The following SVIL variants were observed in gnomAD, a reference collection of about 807,000 sequenced individuals.
The protein encoded by SVIL is archvillin.
Under a neutral mutation model 240.4 loss-of-function variants are expected in SVIL, and 101 were observed. The ratio of observed to expected loss-of-function variants is 0.42; its 90% CI spans 0.36 to 0.50. The LOEUF (loss-of-function observed/expected upper bound fraction) is 0.50. Among genes scored for constraint, SVIL ranks in the 20% least tolerant of loss-of-function variants. The probability of loss-of-function intolerance (pLI) is 0.01; values close to 1 mark genes in which losing one functional copy is unlikely to be tolerated. For missense variants in SVIL, 2,512 were observed against 2,818.7 expected, an observed-to-expected ratio of 0.89 and a Z score of 2.46; for synonymous variants, 999 against 1,100.0, an observed-to-expected ratio of 0.91 and a Z score of 1.82.
At chr10:29,600,511 C>T (rs763390089) in intron 1 of SVIL, among the ~76,000 whole-genome samples, 35 of 152,110 alleles carry the variant, frequency 2.3e-4, no homozygotes, top group Middle Eastern at 3.2e-3. Context: ...ACCTCCACAT[C>T]AGATGGAGAA....
intron 16 of SVIL, among the ~76,000 whole-genome samples, chr10:29,518,760 G>A (rs1950378024): frequency 6.6e-6 from 1 of 152,174 alleles, no homozygotes; most frequent in Non-Finnish European, 1.5e-5. Flanking sequence ...GGAGGGTGAG[G>A]CAGGAGAATC....
At chr10:29,692,684 G>A (rs751678180) in intron 1 of SVIL, among the ~76,000 whole-genome samples, 5 of 151,260 alleles carry the variant, frequency 3.3e-5, no homozygotes, top group Non-Finnish European at 7.4e-5. Flanking sequence ...ATAAGGGCAA[G>A]GTCTCCCTAT....
intron 6 of SVIL, among the ~76,000 whole-genome samples, chr10:29,548,961 G>A (rs566908600): frequency 1.4e-4 from 22 of 152,218 alleles, no homozygotes; most frequent in African/African-American, 5.3e-4. Flanking sequence ...CATGGGCAAG[G>A]ACTTCATGTC....
chr10:29,484,377 T>C lies in SVIL; in HGVS notation c.4955+279A>G, dbSNP rs1218679219. Among the ~76,000 whole-genome samples the C allele has an allele frequency of 6.6e-6, 1 of 152,208 alleles. No individual in the cohort carries two copies. The highest frequency in any genetic ancestry group is 2.4e-5 in the African/African-American group (1 of 41,448). On this transcript the variant is annotated intron_variant, in intron 27 of 37. Transcript: ENST00000355867. The surrounding 1 kb of genome is among the most constrained non-coding windows in gnomAD (Gnocchi z 4.7). ...TGCTGTTCATCTGCCACAGCAGCACTTGTAATGCCGCAGGGAGGAACTTGC... is the reference window on the plus strand; with the variant it reads ...TGCTGTTCATCTGCCACAGCAGCACCTGTAATGCCGCAGGGAGGAACTTGC...
chr10:29,577,558 C>T (rs574833431), intron 1 of SVIL, among the ~76,000 whole-genome samples: 1 of 152,132 alleles, frequency 6.6e-6, no homozygotes, highest in Admixed American at 6.5e-5. Flanking sequence ...TGTATATATA[C>T]CACATTTTCT....
chr10:29,479,965 T>C (rs1946646515), intron 29 of SVIL, among the ~76,000 whole-genome samples: 1 of 152,140 alleles, frequency 6.6e-6, no homozygotes, highest in Non-Finnish European at 1.5e-5. Flanking sequence ...GTGAGTGTTT[T>C]GCAATGGGGT....
chr10:29,485,784 T>G (rs1947336223), intron 26 of SVIL, among the ~76,000 whole-genome samples: 1 of 152,242 alleles, frequency 6.6e-6, no homozygotes, highest in Non-Finnish European at 1.5e-5. Flanking sequence ...AAATATTTTA[T>G]TATAATGTTT....
At chr10:29,688,237 GGTGAGGCA>G (rs901941517) in intron 1 of SVIL, among the ~76,000 whole-genome samples, 44 of 152,332 alleles carry the variant, frequency 2.9e-4, no homozygotes, top group African/African-American at 1.0e-3. Context: ...GCTTCGAGGC[GGTGAGGCA>G]GTGAGCCTGA....
intron 6 of SVIL, 38 bp from the exon 7 acceptor site, chr10:29,536,107 T>TAAA: frequency 6.3e-7 from 1 of 1,587,694 alleles, no homozygotes; most frequent in Non-Finnish European, 8.7e-7. Context: ...TAATCTCTAT[T>TAAA]AAAACGTCAA....
chr10:29,694,724 T>A lies in SVIL; in HGVS notation c.-399-8073A>T, dbSNP rs148293938. Among the ~76,000 whole-genome samples, 24 of 152,306 alleles carry A rather than the reference T, an allele frequency of 1.6e-4. No individual in the cohort carries two copies. In the East Asian group the frequency reaches 4.6e-3, roughly 29 times the overall value. ...ATCCTTCCACCTCGGCCTCCCAAAG[T>A]GCGTGAGCCACTGGGCCTGGCCCCA... On this transcript the variant is annotated intron_variant, in intron 1 of 35. Transcript: ENST00000375400.
In SVIL at chr10:29,735,700, G is replaced by C. The variant is rs981679469; in HGVS notation, c.-400+51C>G. 10 of 151,770 alleles carry C rather than the reference G, an allele frequency of 6.6e-5. No homozygotes were observed. Among genetic ancestry groups the C allele is most frequent in the African/African-American group, 2.2e-4 (9 of 41,304 alleles). The allele number at this position is 151,770 out of a possible 1,614,324, so 9.4% of individuals were successfully genotyped here. ...GCAGCGGCGCGTCCTGGCGTCTGCC[G>C]GCCCCGGCTCCGCGCGCCCCTCGGC... On this transcript the variant is annotated intron_variant, in intron 1 of 35. Coordinates refer to the SVIL transcript ENST00000375400. This position sits in a 1 kb window ranked among gnomAD's most constrained non-coding sequence, Gnocchi z 4.1.
intron 2 of SVIL, among the ~76,000 whole-genome samples, chr10:29,566,134 A>C (rs553208864): frequency 3.3e-5 from 5 of 151,532 alleles, no homozygotes; most frequent in Non-Finnish European, 7.4e-5. Flanking sequence ...TCCCTTCCTT[A>C]TCACCCTCCC....
chr10:29,555,100 A>G lies in SVIL; in HGVS notation c.-42T>C, dbSNP rs745358814. The G allele has an allele frequency of 6.8e-6, 11 of 1,607,884 alleles. No homozygotes were observed. Among genetic ancestry groups the G allele is most frequent in the Non-Finnish European group, 8.5e-6 (10 of 1,178,450 alleles). On this transcript the variant is annotated 5_prime_UTR_variant, in exon 4 of 38. Transcript: ENST00000355867. ...TTCTTTGGTTCAAAGATTTGTCTTA[A>G]TTCTGCAACTGGAAGAAAACCAAAA... is the stretch of plus-strand genomic sequence containing the variant.
intron 1 of SVIL, among the ~76,000 whole-genome samples, chr10:29,691,550 C>T (rs936796769): frequency 8.5e-5 from 13 of 152,308 alleles, no homozygotes; most frequent in African/African-American, 2.9e-4. Flanking sequence ...TTCTTGGCGA[C>T]GCTCCAGCTT....
Position 29,484,004 on chromosome 10 carries a change from G to A in SVIL, c.4955+652C>T, listed in dbSNP as rs554753024. On this transcript the variant is annotated intron_variant, in intron 27 of 37. Transcript: ENST00000355867. This position sits in a 1 kb window ranked among gnomAD's most constrained non-coding sequence, Gnocchi z 4.7. ...CTAGTTTTTTTTTGGTCTGATAGTT[G>A]AAAAAACAACAATCCTTTGCACGTA... 1 of 151,838 alleles carries A rather than the reference G, an allele frequency of 6.6e-6. No homozygotes were observed. Among genetic ancestry groups the A allele is most frequent in the Non-Finnish European group, 1.5e-5 (1 of 67,968 alleles). 9.4% of individuals were successfully genotyped at this position (151,838 alleles called of 1,614,324 possible).
At chr10:29,555,882 CTGAT>C (rs1449345835) in intron 3 of SVIL, among the ~76,000 whole-genome samples, 1 of 152,224 alleles carries the variant, frequency 6.6e-6, no homozygotes, top group Non-Finnish European at 1.5e-5. Flanking sequence ...CTGTAACTAT[CTGAT>C]TGTGTTTCCA....
intron 33 of SVIL, chr10:29,467,332 T>C (rs558175779): frequency 4.4e-5 from 7 of 159,236 alleles, no homozygotes; most frequent in African/African-American, 1.7e-4. Flanking sequence ...ATTTCTCAGG[T>C]GGCAGCTATG....
chr10:29,660,393 A>G (rs1044714572), intron 2 of SVIL, among the ~76,000 whole-genome samples: 11 of 152,192 alleles, frequency 7.2e-5, no homozygotes, highest in Non-Finnish European at 1.2e-4. Flanking sequence ...GAGAGGATCA[A>G]TTGAGCCCAG....
At chr10:29,597,096 G>A (rs946964406) in intron 1 of SVIL, among the ~76,000 whole-genome samples, 2 of 152,186 alleles carry the variant, frequency 1.3e-5, no homozygotes, top group African/African-American at 4.8e-5. Context: ...CGGCTCCTGA[G>A]GTTGCACACC....
Sources: allele counts gnomAD v4.1 joint callset (sites outside exome capture counted in the v4.1 genomes callset), GRCh38; gene constraint gnomAD v4.1.1; non-coding constraint Gnocchi (gnomAD v3.1); transcripts MANE v1.5; gene names NCBI Gene and HGNC (gene_info 2026-07-23, HGNC 2026-07-21).